DSTYK: variants seen among roughly 807,000 people sequenced by gnomAD.
The protein encoded by DSTYK is dual serine/threonine and tyrosine protein kinase, also known as RIP-homologous kinase.
DSTYK carries 34 observed loss-of-function variants against 98.7 expected under a neutral mutation model. The ratio of observed to expected loss-of-function variants is 0.34; its 90% confidence interval spans 0.26 to 0.46. DSTYK has a LOEUF of 0.46. Among genes scored for constraint, DSTYK ranks in the 20% least tolerant of loss-of-function variants. The pLI, the probability that DSTYK is intolerant of heterozygous loss-of-function variation, is 1.00. For missense variants in DSTYK, 962 were observed against 1,181.7 expected (o/e 0.81, Z 2.73); for synonymous variants, 462 against 457.3 (o/e 1.01, Z -0.13).
At chr1:205,154,025 T>C (rs368821091) in intron 10 of DSTYK, among the ~76,000 whole-genome samples, 1 of 149,816 alleles carries the variant, frequency 6.7e-6, no homozygotes, top group East Asian at 2.0e-4. Context: ...TGTAACTTAA[T>C]TTCATATAGC....
At chr1:205,175,187 G>T (rs1425114186) in intron 2 of DSTYK, among the ~76,000 whole-genome samples, 1 of 149,510 alleles carries the variant, frequency 6.7e-6, no homozygotes, top group African/African-American at 2.5e-5. Flanking sequence ...TGCAAGCTCC[G>T]CCTCCCAGGT....
At chr1:205,155,025 C>T (rs1268725424) in intron 10 of DSTYK, among the ~76,000 whole-genome samples, 5 of 151,914 alleles carry the variant, frequency 3.3e-5, no homozygotes, top group African/African-American at 4.8e-5. Context: ...CACTCTGTCA[C>T]CCAGGCTGGA....
chr1:205,200,713 G>A (rs1659006723), intron 1 of DSTYK, among the ~76,000 whole-genome samples: 2 of 152,138 alleles, frequency 1.3e-5, no homozygotes, highest in Non-Finnish European at 2.9e-5. Context: ...ACAGAGTCAG[G>A]CATTAAATAA....
intron 2 of DSTYK, among the ~76,000 whole-genome samples, chr1:205,185,153 A>T (rs1214157788): frequency 1.3e-5 from 2 of 152,278 alleles, no homozygotes; most frequent in Non-Finnish European, 2.9e-5. Context: ...GTGAGCCAAG[A>T]CTGCGCTACT....
chr1:205,168,058 A>G (rs984451034), intron 3 of DSTYK, among the ~76,000 whole-genome samples: 13 of 152,316 alleles, frequency 8.5e-5, no homozygotes, highest in African/African-American at 2.9e-4. Flanking sequence ...GTGAGTCAAG[A>G]TCACGCCACT....
At chr1:205,208,140 A>T (rs1011426798) in intron 1 of DSTYK, among the ~76,000 whole-genome samples, 3 of 152,110 alleles carry the variant, frequency 2.0e-5, no homozygotes, top group Non-Finnish European at 4.4e-5. Context: ...TCAGCCTCCC[A>T]AAGTGCTGGG....
At chr1:205,201,758 A>T (rs538697378) in intron 1 of DSTYK, among the ~76,000 whole-genome samples, 2 of 152,246 alleles carry the variant, frequency 1.3e-5, no homozygotes, top group Admixed American at 1.3e-4. Context: ...ACATACTCAC[A>T]GCTATCATAC....
intron 1 of DSTYK, among the ~76,000 whole-genome samples, chr1:205,209,460 G>A (rs1409437495): frequency 6.7e-6 from 1 of 148,226 alleles, no homozygotes; most frequent in Non-Finnish European, 1.5e-5. Flanking sequence ...TATATTTCTG[G>A]ACGTAAGATG....
rs777847706 is a variant in DSTYK at position 205,160,024 on chromosome 1, C to T, written c.2105+90G>A. ...CACAGAAAACTAAATATAGAGAGGC[C>T]ATGCTGTAGCTCTTGGTACAAAATC... On this transcript the variant is annotated intron_variant, in intron 8 of 12. Coordinates refer to ENST00000367162, the MANE Select transcript of DSTYK (RefSeq NM_015375.3). The T allele has an allele frequency of 7.7e-5, 111 of 1,450,488 alleles. 1 individual carries two copies. The South Asian group carries it at 1.2e-3, about 16-fold the overall frequency. The allele number at this position is 1,450,488 out of a possible 1,614,324, so 89.9% of individuals were successfully genotyped here.
At chr1:205,185,639 A>G (rs545423407) in intron 2 of DSTYK, among the ~76,000 whole-genome samples, 2 of 152,274 alleles carry the variant, frequency 1.3e-5, no homozygotes, top group African/African-American at 2.4e-5. Context: ...AGAAAGCAAA[A>G]GTAATATTTC....
chr1:205,200,830 C>A (rs887892192), intron 1 of DSTYK, among the ~76,000 whole-genome samples: 18 of 152,126 alleles, frequency 1.2e-4, no homozygotes, highest in African/African-American at 3.4e-4. Flanking sequence ...GAAAATAATT[C>A]TTTGGGATAC....
At chr1:205,183,810 G>T (rs535854750) in intron 2 of DSTYK, among the ~76,000 whole-genome samples, 1 of 152,316 alleles carries the variant, frequency 6.6e-6, no homozygotes, top group Admixed American at 6.5e-5. Flanking sequence ...GAGCTGGGCT[G>T]CAGTGAGAGG....
chr1:205,167,511 A>G (rs1381888640), intron 3 of DSTYK, among the ~76,000 whole-genome samples: 1 of 152,246 alleles, frequency 6.6e-6, no homozygotes, highest in Non-Finnish European at 1.5e-5. Flanking sequence ...AATCAAAGAC[A>G]TTCCAGGTTT....
At chr1:205,178,708 G>A (rs543761150) in intron 2 of DSTYK, among the ~76,000 whole-genome samples, 64 of 152,190 alleles carry the variant, frequency 4.2e-4, no homozygotes, top group Non-Finnish European at 8.2e-4. Context: ...ATGGGTGGCT[G>A]AGAGAGCAGG....
chr1:205,160,556 G>A (rs1294183451), intron 7 of DSTYK, among the ~76,000 whole-genome samples: 1 of 151,724 alleles, frequency 6.6e-6, no homozygotes, highest in East Asian at 1.9e-4. Flanking sequence ...GGGTGGTCCC[G>A]AACTCCTGGG....
rs776370465 is a variant in DSTYK at position 205,162,143 on chromosome 1, C to T, written c.1711G>A (p.Glu571Lys). The T allele has an allele frequency of 6.2e-7, 1 of 1,614,158 alleles. No homozygotes were observed. The highest frequency in any genetic ancestry group is 8.5e-7 in the Non-Finnish European group (1 of 1,180,012). ...GAGGCGCTGAGGCTCTCAATGGCTT[C>T]CTGGGCCACCTTCCTCTTCCATTCC... is the stretch of plus-strand genomic sequence containing the variant. ...TLEWKRKVAQ[E>K]AIESLSASKL... is the part of the protein sequence containing the mutation. Residue 571 changes from glutamate (E) to lysine (K), a missense_variant, in exon 6 of 13, where the codon GAA becomes AAA. Glu to Lys is a moderately conservative substitution (Grantham distance 56). Around this residue, in one of 4 missense-constraint regions of DSTYK, gnomAD observed 660 missense variants for 855.0 expected, o/e 0.77. Coordinates refer to ENST00000367162, the MANE Select transcript of DSTYK (RefSeq NM_015375.3).
chr1:205,184,310 C>T (rs1028519051), intron 2 of DSTYK, among the ~76,000 whole-genome samples: 5 of 151,948 alleles, frequency 3.3e-5, no homozygotes, highest in Admixed American at 2.0e-4. Context: ...TAGTGGCTCA[C>T]GCCTGTAATC....
chr1:205,203,520 G>A (rs1659105456), intron 1 of DSTYK, among the ~76,000 whole-genome samples: 1 of 52,952 alleles, frequency 1.9e-5, no homozygotes, highest in Non-Finnish European at 3.8e-5. Flanking sequence ...TAGGGAAGGG[G>A]AGGGGAGGGG....
chr1:205,184,244 T>C (rs1658502241), intron 2 of DSTYK, among the ~76,000 whole-genome samples: 1 of 151,258 alleles, frequency 6.6e-6, no homozygotes, highest in Non-Finnish European at 1.5e-5. Flanking sequence ...CCTCAATTTA[T>C]GGAACAAAAG....
Sources: gnomAD v4.1 joint callset for allele counts (sites outside exome capture counted in the v4.1 genomes callset) on GRCh38, gnomAD v4.1.1 for gene constraint, gnomAD v4.1.1 regional missense constraint, MANE v1.5 for transcripts, NCBI Gene and HGNC (gene_info 2026-07-23, HGNC 2026-07-21) for gene names.